FBXO21: variants seen among roughly 807,000 people sequenced by gnomAD.
FBXO21 encodes the protein F-box only protein 21.
FBXO21 carries 32 observed loss-of-function variants against 76.6 expected under a neutral mutation model. The ratio of observed to expected loss-of-function variants is 0.42; its 90% CI spans 0.32 to 0.56. The LOEUF is 0.56. Ranked by LOEUF, FBXO21 falls within the 20% of genes least tolerant of loss-of-function variation. The pLI is 0.16. For missense variants in FBXO21, 586 were observed against 797.3 expected, an observed-to-expected ratio of 0.73 and a Z score of 3.19; for synonymous variants, 328 against 311.5, an observed-to-expected ratio of 1.05 and a Z score of -0.56.
chr12:117,160,883 C>T (rs956875688), intron 9 of FBXO21, among the ~76,000 whole-genome samples: 1 of 152,256 alleles, frequency 6.6e-6, no homozygotes. Context: ...ATCCACCTGC[C>T]TCTGCCACCC....
intron 7 of FBXO21, among the ~76,000 whole-genome samples, chr12:117,171,120 T>C (rs1956113524): frequency 6.6e-6 from 1 of 151,888 alleles, no homozygotes; most frequent in African/African-American, 2.4e-5. Flanking sequence ...TCCCAGCACC[T>C]TGGGAGGCTG....
intron 3 of FBXO21, among the ~76,000 whole-genome samples, chr12:117,181,521 A>C (rs1446981435): frequency 6.6e-6 from 1 of 152,144 alleles, no homozygotes; most frequent in Non-Finnish European, 1.5e-5. Flanking sequence ...CAATGTATGA[A>C]TTTATCTATC....
chr12:117,151,893 T>C (rs1955846596), intron 11 of FBXO21, among the ~76,000 whole-genome samples: 1 of 152,152 alleles, frequency 6.6e-6, no homozygotes, highest in Non-Finnish European at 1.5e-5. Flanking sequence ...ACCATGATGT[T>C]CAAGGTCACT....
intron 9 of FBXO21, among the ~76,000 whole-genome samples, chr12:117,159,088 T>C (rs1198031363): frequency 1.3e-5 from 2 of 152,190 alleles, no homozygotes; most frequent in Non-Finnish European, 2.9e-5. Flanking sequence ...ACTGTCCTAT[T>C]TGCTGATGCA....
chr12:117,187,065 A>G (rs1031598368), intron 2 of FBXO21, among the ~76,000 whole-genome samples: 15 of 150,904 alleles, frequency 9.9e-5, no homozygotes, highest in Non-Finnish European at 1.8e-4. Flanking sequence ...ACAGTGAGCC[A>G]AGATTGCGCC....
At chr12:117,170,701 T>C (rs1197839594) in intron 7 of FBXO21, among the ~76,000 whole-genome samples, 1 of 152,212 alleles carries the variant, frequency 6.6e-6, no homozygotes, top group Non-Finnish European at 1.5e-5. Flanking sequence ...ATAGTGTATG[T>C]CTGCTGTAGC....
rs749981737 is a variant in FBXO21 at position 117,190,367 on chromosome 12, G to T, written c.90C>A (p.Leu30=). 1.4e-5 allele frequency: 22 copies of T among 1,522,144 alleles called. No homozygotes were observed. The highest frequency in any genetic ancestry group is 1.2e-4 in the Admixed American group (6 of 49,116). The allele number at this position is 1,522,144 out of a possible 1,614,324, so 94.3% of individuals were successfully genotyped here. ...AAPEVAGLSC[L]VNLPGEVLEY... is the part of the protein sequence containing the mutation. ...CCAGCACCTCACCCGGCAGGTTGACGAGGCAGCTGAGGCCCGCTACCTCCG... is the reference window on the plus strand; with the variant it reads ...CCAGCACCTCACCCGGCAGGTTGACTAGGCAGCTGAGGCCCGCTACCTCCG... The change falls in exon 1 of 12, where the codon CTC becomes CTA. Residue 30 remains leucine (L), a synonymous_variant. Coordinates refer to ENST00000622495, the MANE Select transcript of FBXO21 (RefSeq NM_015002.3).
At chr12:117,149,011 C>T (rs1955809746) in intron 11 of FBXO21, among the ~76,000 whole-genome samples, 1 of 152,178 alleles carries the variant, frequency 6.6e-6, no homozygotes, top group Non-Finnish European at 1.5e-5. Context: ...CTAAGATGCC[C>T]TTTCCTGTCC....
At chr12:117,155,678 G>A (rs955047916) in intron 11 of FBXO21, 113 bp downstream of exon 11, 5 of 1,238,990 alleles carry the variant, frequency 4.0e-6, no homozygotes, top group Non-Finnish European at 5.6e-6. Flanking sequence ...ATGGGGCGTC[G>A]GCCGCCTCTG....
At chr12:117,150,004 TAG>T (rs1184272227) in intron 11 of FBXO21, among the ~76,000 whole-genome samples, 2 of 152,104 alleles carry the variant, frequency 1.3e-5, no homozygotes, top group African/African-American at 2.4e-5. Context: ...TCCTGGCTGT[TAG>T]AGAGGAGCAA....
In FBXO21 at chr12:117,174,123, C is replaced by T. The variant is rs545079011; in HGVS notation, c.876+82G>A. ...CTGCATTCCAGCCTGAGCAACAGAG[C>T]GAGACCCTGTCTCTAAAAACAGAAA... On this transcript the variant is annotated intron_variant, in intron 6 of 11. Coordinates refer to ENST00000622495, the MANE Select transcript of FBXO21 (RefSeq NM_015002.3). 66 of 1,156,972 alleles carry T rather than the reference C, an allele frequency of 5.7e-5. No individual in the cohort carries two copies. The East Asian group carries it at 1.1e-3, about 20-fold the overall frequency. The allele number at this position is 1,156,972 out of a possible 1,614,324, so 71.7% of individuals were successfully genotyped here.
chr12:117,174,736 C>G lies in FBXO21; in HGVS notation c.654G>C (p.Gln218His). The change falls in exon 5 of 12, where the codon CAG becomes CAC. Residue 218 changes from glutamine (Q) to histidine (H), a missense_variant. Coordinates refer to ENST00000622495, the MANE Select transcript of FBXO21 (RefSeq NM_015002.3). ...GCTCCACGATGCTGTCAATTTGGGC[C>G]TGGATGTCTTTGAGGCTGATGTCGG... is the stretch of plus-strand genomic sequence containing the variant. ...PLSDISLKDI[Q>H]AQIDSIVELV... is the part of the protein sequence containing the mutation. 2 of 1,614,172 alleles carry G rather than the reference C, an allele frequency of 1.2e-6. No homozygotes were observed. The highest frequency in any genetic ancestry group is 1.7e-6 in the Non-Finnish European group (2 of 1,180,026).
At chr12:117,158,540 T>C (rs1955942849) in intron 9 of FBXO21, among the ~76,000 whole-genome samples, 1 of 152,210 alleles carries the variant, frequency 6.6e-6, no homozygotes, top group South Asian at 2.1e-4. Flanking sequence ...GCTAAATTGC[T>C]TTAATCGAGA....
intron 2 of FBXO21, among the ~76,000 whole-genome samples, chr12:117,187,063 C>A (rs1956290683): frequency 6.6e-6 from 1 of 151,574 alleles, no homozygotes; most frequent in Non-Finnish European, 1.5e-5. Context: ...TTACAGTGAG[C>A]CAAGATTGCG....
At chr12:117,162,838 A>G (rs1330220875) in intron 9 of FBXO21, among the ~76,000 whole-genome samples, 6 of 151,838 alleles carry the variant, frequency 4.0e-5, no homozygotes, top group Non-Finnish European at 1.5e-5. Context: ...CAGGCGCCAC[A>G]CCCTCCCACC....
intron 9 of FBXO21, among the ~76,000 whole-genome samples, chr12:117,162,818 C>T (rs1044660910): frequency 6.6e-6 from 1 of 152,228 alleles, no homozygotes; most frequent in Non-Finnish European, 1.5e-5. Flanking sequence ...CCGTGCTAGG[C>T]TGACATCTGC....
rs566772587 is a variant in FBXO21 at position 117,147,807 on chromosome 12, C to G, written c.1676-1530G>C. Among the ~76,000 whole-genome samples the G allele has an allele frequency of 3.3e-5, 5 of 152,128 alleles. No individual in the cohort carries two copies. The East Asian group carries it at 9.6e-4, about 29-fold the overall frequency. ...AGAAGCCCAGCTATGCCCTCCATGA[C>G]CTGACACCGGAAGGAAGCTGGGCTG... On this transcript the variant is annotated intron_variant, in intron 11 of 11. Coordinates refer to ENST00000622495, the MANE Select transcript of FBXO21 (RefSeq NM_015002.3).
At chr12:117,151,247 C>T (rs898773123) in intron 11 of FBXO21, among the ~76,000 whole-genome samples, 1 of 152,116 alleles carries the variant, frequency 6.6e-6, no homozygotes, top group African/African-American at 2.4e-5. Context: ...ACAGGAGCGG[C>T]ACTCTCCCAC....
intron 3 of FBXO21, among the ~76,000 whole-genome samples, chr12:117,184,001 G>C (rs1956259668): frequency 6.6e-6 from 1 of 151,776 alleles, no homozygotes; most frequent in Non-Finnish European, 1.5e-5. Context: ...ATTATCCTCT[G>C]CTACTGATGC....
Sources: gnomAD v4.1 joint callset for allele counts (sites outside exome capture counted in the v4.1 genomes callset) on GRCh38, gnomAD v4.1.1 for gene constraint, MANE v1.5 for transcripts, NCBI Gene and HGNC (gene_info 2026-07-23, HGNC 2026-07-21) for gene names.